Variants in MPHOSPH9 observed in about 807,000 individuals in gnomAD.
MPHOSPH9 encodes M-phase phosphoprotein 9.
A neutral mutation model predicts 145.5 loss-of-function variants in MPHOSPH9; 88 were observed. The observed-to-expected ratio is 0.60, with a 90% CI of 0.51 to 0.72. MPHOSPH9 has a LOEUF of 0.72. MPHOSPH9 is among the 30% of genes least tolerant of loss of function. The pLI is 0.00. For missense variants in MPHOSPH9, 1,238 were observed against 1,386.6 expected (o/e 0.89, Z 1.70); for synonymous variants, 435 against 486.2 (o/e 0.89, Z 1.39).
At chr12:123,224,325 G>A (rs901171828) in intron 3 of MPHOSPH9, among the ~76,000 whole-genome samples, 12 of 151,626 alleles carry the variant, frequency 7.9e-5, no homozygotes, top group Non-Finnish European at 1.5e-4. Context: ...TAGTGGAGAC[G>A]GGGTTTCACC....
chr12:123,218,493 A>C lies in MPHOSPH9; in HGVS notation c.879T>G (p.Ala293=), dbSNP rs1450069477. 6.2e-7 allele frequency: 1 copy of C among 1,611,868 alleles called. No individual in the cohort carries two copies. Among genetic ancestry groups the C allele is most frequent in the Non-Finnish European group, 8.5e-7 (1 of 1,179,270 alleles). The change falls in exon 6 of 24, where the codon GCT becomes GCG. Residue 293 remains alanine, a synonymous_variant. Transcript: ENST00000606320. The part of the protein sequence containing the change: ...EVYSGKTNSN[A]ITSWAQKLKQ... ...TCAGTTTTTGTGCCCATGATGTTAT[A>C]GCATTACTATTTAAGAAGAGAAAAC...
chr12:123,240,073 G>A (rs1364452691), intron 1 of MPHOSPH9, among the ~76,000 whole-genome samples: 2 of 152,048 alleles, frequency 1.3e-5, no homozygotes, highest in African/African-American at 2.4e-5. Context: ...GGTTAGAAAT[G>A]CAGAGCCTCG....
chr12:123,201,603 C>T (rs12813841), intron 11 of MPHOSPH9, among the ~76,000 whole-genome samples: 1,715 of 152,190 alleles, frequency 0.011, 15 homozygotes, highest in Non-Finnish European at 0.017. Context: ...TGGTCTTGAA[C>T]TCCTGAGCTC....
At chr12:123,238,508 T>C (rs867210639) in intron 1 of MPHOSPH9, among the ~76,000 whole-genome samples, 2 of 152,078 alleles carry the variant, frequency 1.3e-5, no homozygotes, top group Non-Finnish European at 2.9e-5. Flanking sequence ...TGGTGGCTCA[T>C]GACTGTAATC....
intron 7 of MPHOSPH9, among the ~76,000 whole-genome samples, chr12:123,211,519 A>AT (rs1313108042): frequency 6.7e-6 from 1 of 148,606 alleles, no homozygotes; most frequent in Non-Finnish European, 1.5e-5. Flanking sequence ...AGCCCTGCTA[A>AT]TTTTTTTGGT....
At chr12:123,163,896 T>C in intron 19 of MPHOSPH9, 54 bp downstream of exon 19, 1 of 1,605,104 alleles carries the variant, frequency 6.2e-7, no homozygotes, top group South Asian at 1.1e-5. Context: ...ACAAATAGAT[T>C]TGACTCAGAG....
chr12:123,239,471 C>G (rs1403331302), intron 1 of MPHOSPH9, among the ~76,000 whole-genome samples: 1 of 152,014 alleles, frequency 6.6e-6, no homozygotes, highest in South Asian at 2.1e-4. Flanking sequence ...GGCGCAATCT[C>G]GGCTCACCGC....
intron 7 of MPHOSPH9, among the ~76,000 whole-genome samples, chr12:123,212,432 G>A (rs1290479548): frequency 1.3e-5 from 2 of 152,126 alleles, no homozygotes; most frequent in African/African-American, 4.8e-5. Context: ...ACTCACGCCT[G>A]TAATCCCAGC....
rs764583933 is a variant in MPHOSPH9 at position 123,227,456 on chromosome 12, T to G, written c.258+7A>C. On this transcript the variant is annotated splice_region_variant and intron_variant, in intron 3 of 23. Coordinates refer to ENST00000606320, the MANE Select transcript of MPHOSPH9 (RefSeq NM_022782.4). ...TAAAATTCCAAAAATAAAACAAAAT[T>G]AGATACCTCACAGTTTTTCCAAAGT... The G allele has an allele frequency of 1.2e-4, 177 of 1,465,564 alleles. No homozygotes were observed. The highest frequency in any genetic ancestry group is 1.5e-4 in the Non-Finnish European group (171 of 1,110,694). 90.8% of individuals were successfully genotyped at this position (1,465,564 alleles called of 1,614,324 possible).
intron 12 of MPHOSPH9, among the ~76,000 whole-genome samples, 163 bp downstream of exon 12, chr12:123,198,083 CA>C (rs72059632): frequency 0.026 from 2,841 of 109,712 alleles, 39 homozygotes; most frequent in Non-Finnish European, 0.034. Context: ...GACTCCGTCT[CA>C]AAAAAAAAAA....
At chr12:123,172,784 A>T (rs1189934795) in intron 16 of MPHOSPH9, among the ~76,000 whole-genome samples, 1 of 149,774 alleles carries the variant, frequency 6.7e-6, no homozygotes, top group Non-Finnish European at 1.5e-5. Context: ...GGTCTCTGCC[A>T]CCTGCATTGT....
At chr12:123,235,861 C>G (rs1247576091), upstream of MPHOSPH9, among the ~76,000 whole-genome samples, 2 of 151,604 alleles carry the variant, frequency 1.3e-5, no homozygotes, top group Non-Finnish European at 2.9e-5. Context: ...GTCAGGAGTT[C>G]GAGACCAGCC....
rs756954142 is a variant in MPHOSPH9, at chr12:123,214,760, C to T, written c.1071G>A (p.Met357Ile). 18 of 1,611,956 alleles carry T rather than the reference C, an allele frequency of 1.1e-5. No homozygotes were observed. Among genetic ancestry groups the T allele is most frequent in the African/African-American group, 1.3e-5 (1 of 75,008 alleles). ...GTATCATACCTGTTCCTGAATCAGACATCCAAGCATTTGGAGTTTCATCTG... is the reference window on the plus strand; with the variant it reads ...GTATCATACCTGTTCCTGAATCAGATATCCAAGCATTTGGAGTTTCATCTG... Reference protein sequence around the residue: ...SKPDETPNAWMSDSGTGLTYW... With the variant: ...SKPDETPNAWISDSGTGLTYW... Residue 357 changes from methionine (M) to isoleucine (I), a missense_variant, in exon 7 of 24, where the codon ATG becomes ATA. Coordinates refer to ENST00000606320, the MANE Select transcript of MPHOSPH9 (RefSeq NM_022782.4).
At chr12:123,158,020 C>T (rs1363415746) in intron 23 of MPHOSPH9, among the ~76,000 whole-genome samples, 1 of 151,404 alleles carries the variant, frequency 6.6e-6, no homozygotes, top group African/African-American at 2.4e-5. Flanking sequence ...GACGGAGTCT[C>T]GCTCTGTTGC....
chr12:123,221,022 T>C (rs1000626374), intron 5 of MPHOSPH9, among the ~76,000 whole-genome samples: 2 of 152,208 alleles, frequency 1.3e-5, no homozygotes, highest in South Asian at 4.1e-4. Flanking sequence ...GCCACTGCAC[T>C]CCAGCCTGGG....
Position 123,221,426 on chromosome 12 carries a change from T to C in MPHOSPH9, c.818A>G (p.His273Arg), listed in dbSNP as rs767805693. 1.2e-5 allele frequency: 20 copies of C among 1,610,544 alleles called. No individual in the cohort carries two copies. Among genetic ancestry groups the C allele is most frequent in the South Asian group, 2.2e-5 (2 of 90,122 alleles). ...DVSISPGEFE[H>R]NFLGENKVSE... is the part of the protein sequence containing the mutation. ...AACCTTATTTTCACCAAGAAAATTA[T>C]GTTCAAATTCACCAGGAGAAATGGA... The change falls in exon 5 of 24, where the codon CAT (histidine) becomes CGT (arginine). Residue 273 changes from histidine to arginine, a missense_variant. This residue lies in a region of MPHOSPH9 where 837 missense variants were observed against 897.5 expected (regional missense o/e 0.93). Coordinates refer to ENST00000606320, the MANE Select transcript of MPHOSPH9 (RefSeq NM_022782.4).
At chr12:123,171,324 C>T (rs1467247538) in intron 16 of MPHOSPH9, among the ~76,000 whole-genome samples, 1 of 151,660 alleles carries the variant, frequency 6.6e-6, no homozygotes, top group Non-Finnish European at 1.5e-5. Context: ...CATGGTGGCA[C>T]GTGCCTGTAG....
At chr12:123,236,835 G>C (rs373680615), upstream of MPHOSPH9, among the ~76,000 whole-genome samples, 58 of 152,072 alleles carry the variant, frequency 3.8e-4, no homozygotes, top group Middle Eastern at 6.8e-3. Flanking sequence ...ACACCTCTCA[G>C]CACTTTGAGA....
At chr12:123,190,269 C>G (rs1240447797) in intron 13 of MPHOSPH9, among the ~76,000 whole-genome samples, 1 of 151,862 alleles carries the variant, frequency 6.6e-6, no homozygotes, top group African/African-American at 2.4e-5. Flanking sequence ...TCTCCTGCCT[C>G]AGCCTCCCGA....
Sources: allele counts gnomAD v4.1 joint callset (sites outside exome capture counted in the v4.1 genomes callset), GRCh38; gene constraint gnomAD v4.1.1; regional missense constraint gnomAD v4.1.1; transcripts MANE v1.5; gene names NCBI Gene and HGNC (gene_info 2026-07-23, HGNC 2026-07-21).